Variants in SUMF1 observed in about 807,000 individuals in gnomAD.
SUMF1 encodes sulfatase modifying factor 1.
SUMF1 carries 48 observed loss-of-function variants against 47.6 expected under a neutral mutation model. The observed-to-expected ratio is 1.01, with a 90% CI of 0.80 to 1.28. The LOEUF is 1.28. Ranked by LOEUF, SUMF1 falls within the 50% of genes most tolerant of loss-of-function variation. The probability of loss-of-function intolerance (pLI) is 0.00; values close to 1 mark genes in which losing one functional copy is unlikely to be tolerated. For missense variants in SUMF1, 571 were observed against 485.4 expected (o/e 1.18, Z -1.66); for synonymous variants, 230 against 192.1 (o/e 1.20, Z -1.63).
chr3:4,248,091 T>G (rs972224602), intron 8 of SUMF1, among the ~76,000 whole-genome samples: 4 of 152,230 alleles, frequency 2.6e-5, no homozygotes, highest in African/African-American at 9.6e-5. Flanking sequence ...TAGTATTAAT[T>G]TAATGGGATA....
intron 9 of SUMF1, among the ~76,000 whole-genome samples, chr3:4,044,124 A>C (rs886355556): frequency 1.3e-5 from 2 of 152,144 alleles, no homozygotes; most frequent in Non-Finnish European, 2.9e-5. Context: ...GTGTCTTCCT[A>C]GGGTGTGATT....
intron 8 of SUMF1, among the ~76,000 whole-genome samples, chr3:4,208,440 A>G (rs1462060684): frequency 6.7e-6 from 1 of 149,666 alleles, no homozygotes; most frequent in East Asian, 2.0e-4. Context: ...CAACCTTTCT[A>G]CAGAAAATTT....
At chr3:4,281,686 G>A (rs2125046386) in intron 8 of SUMF1, among the ~76,000 whole-genome samples, 1 of 152,020 alleles carries the variant, frequency 6.6e-6, no homozygotes, top group East Asian at 1.9e-4. Flanking sequence ...CAAACTTTTG[G>A]GGGAAAAAAC....
At chr3:4,331,031 A>G (rs1699041271) in intron 8 of SUMF1, among the ~76,000 whole-genome samples, 1 of 152,230 alleles carries the variant, frequency 6.6e-6, no homozygotes, top group Non-Finnish European at 1.5e-5. Context: ...AAAGTAAATA[A>G]TCATTTTAAA....
At chr3:4,465,479 AAAAAAAAAAAAG>A (rs917879277) in intron 1 of SUMF1, among the ~76,000 whole-genome samples, 1 of 151,376 alleles carries the variant, frequency 6.6e-6, no homozygotes, top group African/African-American at 2.4e-5. Context: ...CTCCGTCTAA[AAAAAAAAAAAAG>A]AAAAGAAAAA....
At chr3:4,123,838 G>C (rs1277169975) in intron 8 of SUMF1, among the ~76,000 whole-genome samples, 2 of 152,132 alleles carry the variant, frequency 1.3e-5, no homozygotes. Flanking sequence ...TGGGGGCAGA[G>C]GAGAGTAGGG....
At chr3:4,104,520 A>G (rs1315153318) in intron 8 of SUMF1, among the ~76,000 whole-genome samples, 1 of 152,016 alleles carries the variant, frequency 6.6e-6, no homozygotes, top group Non-Finnish European at 1.5e-5. Flanking sequence ...CAGAGAGGTT[A>G]TCCAGCAGAA....
At chr3:4,082,221 A>C (rs997790609) in intron 8 of SUMF1, among the ~76,000 whole-genome samples, 3 of 152,136 alleles carry the variant, frequency 2.0e-5, no homozygotes, top group African/African-American at 7.2e-5. Context: ...TAATCCCAGC[A>C]TTTTGGGAGC....
chr3:4,287,428 A>C (rs1440538324), intron 8 of SUMF1, among the ~76,000 whole-genome samples: 1 of 152,050 alleles, frequency 6.6e-6, no homozygotes, highest in Non-Finnish European at 1.5e-5. Context: ...AATCTTTCAC[A>C]CATTTCCTTA....
At chr3:4,180,402 A>G (rs1217200268) in intron 8 of SUMF1, among the ~76,000 whole-genome samples, 1 of 152,026 alleles carries the variant, frequency 6.6e-6, no homozygotes, top group Non-Finnish European at 1.5e-5. Context: ...CAGGAACATG[A>G]ATGAAACTGG....
chr3:4,222,169 G>A (rs947675060), intron 8 of SUMF1, among the ~76,000 whole-genome samples: 1 of 151,948 alleles, frequency 6.6e-6, no homozygotes, highest in South Asian at 2.1e-4. Flanking sequence ...ATCTTTGGTG[G>A]GATAATACTC....
chr3:4,430,405 A>C (rs1702196550), intron 3 of SUMF1, among the ~76,000 whole-genome samples: 1 of 152,154 alleles, frequency 6.6e-6, no homozygotes, highest in African/African-American at 2.4e-5. Flanking sequence ...TAGCCATGTA[A>C]TGTTGGTTGG....
At chr3:4,244,024 A>C (rs982070078) in intron 8 of SUMF1, among the ~76,000 whole-genome samples, 3 of 151,820 alleles carry the variant, frequency 2.0e-5, no homozygotes, top group Non-Finnish European at 4.4e-5. Context: ...GGCCTTCTTT[A>C]TCTCTTTTGA....
At chr3:4,254,137 A>G (rs1696884678) in intron 8 of SUMF1, among the ~76,000 whole-genome samples, 1 of 152,012 alleles carries the variant, frequency 6.6e-6, no homozygotes, top group Admixed American at 6.6e-5. Context: ...AAAGACCAAA[A>G]GCAAAAAAAA....
At chr3:4,140,222 C>G (rs531066166) in intron 8 of SUMF1, among the ~76,000 whole-genome samples, 1 of 152,028 alleles carries the variant, frequency 6.6e-6, no homozygotes. Flanking sequence ...TGAGATAAAC[C>G]CCTGATGCTT....
chr3:4,444,593 G>A (rs1311132131), intron 3 of SUMF1, among the ~76,000 whole-genome samples: 1 of 152,154 alleles, frequency 6.6e-6, no homozygotes, highest in Admixed American at 6.5e-5. Context: ...AGACCACTGT[G>A]TATGTAACCT....
At chr3:4,051,950 T>C (rs933416125) in intron 9 of SUMF1, among the ~76,000 whole-genome samples, 7 of 152,092 alleles carry the variant, frequency 4.6e-5, no homozygotes, top group Non-Finnish European at 5.9e-5. Context: ...CTAACAACCA[T>C]AGGGCACTTT....
chr3:4,420,180 A>G, intron 3 of SUMF1, 34 bp from the exon 4 acceptor site: 1 of 1,504,038 alleles, frequency 6.6e-7, no homozygotes, highest in Non-Finnish European at 9.3e-7. Context: ...GATGTTAGCT[A>G]CTAACATCAA....
intron 8 of SUMF1, among the ~76,000 whole-genome samples, chr3:4,119,733 C>T (rs935025490): frequency 2.0e-5 from 3 of 152,020 alleles, no homozygotes; most frequent in Non-Finnish European, 2.9e-5. Context: ...CACACACACA[C>T]ACAAACCACC....
Sources: gnomAD v4.1 joint callset for allele counts (sites outside exome capture counted in the v4.1 genomes callset) on GRCh38, gnomAD v4.1.1 for gene constraint, MANE v1.5 for transcripts, NCBI Gene and HGNC (gene_info 2026-07-23, HGNC 2026-07-21) for gene names.